The following PTPN12 variants were observed in gnomAD, a reference collection of about 807,000 sequenced individuals.
PTPN12 encodes protein tyrosine phosphatase non-receptor type 12.
PTPN12 carries 29 observed loss-of-function variants against 97.6 expected under a neutral mutation model. The observed-to-expected ratio is 0.30, with a 90% confidence interval of 0.22 to 0.41. The LOEUF (loss-of-function observed/expected upper bound fraction) is 0.41, where lower values mean the gene tolerates loss of function less well. PTPN12 is among the 10% of genes least tolerant of loss of function. PTPN12 has a pLI of 1.00. For synonymous variants in PTPN12, 327 were observed against 300.4 expected (o/e 1.09, Z -0.91); for missense variants, 819 against 926.0 (o/e 0.88, Z 1.50).
intron 1 of PTPN12, among the ~76,000 whole-genome samples, chr7:77,552,837 C>T (rs1163826075): frequency 2.6e-5 from 4 of 152,190 alleles, no homozygotes; most frequent in Non-Finnish European, 4.4e-5. Context: ...ATTTGAACCA[C>T]TCTCAATCTT....
chr7:77,614,193 A>G (rs1283569053), intron 11 of PTPN12, among the ~76,000 whole-genome samples: 4 of 152,128 alleles, frequency 2.6e-5, no homozygotes, highest in African/African-American at 9.7e-5. Flanking sequence ...CTATTGTTGT[A>G]TTTTTTAAAA....
At chr7:77,586,252 C>T (rs1179925211) in intron 5 of PTPN12, among the ~76,000 whole-genome samples, 1 of 152,176 alleles carries the variant, frequency 6.6e-6, no homozygotes, top group Non-Finnish European at 1.5e-5. Flanking sequence ...CTGCGCCTGG[C>T]CTTCCATGCC....
intron 2 of PTPN12, among the ~76,000 whole-genome samples, chr7:77,576,768 G>A (rs916267292): frequency 2.0e-5 from 3 of 152,202 alleles, no homozygotes; most frequent in South Asian, 2.1e-4. Flanking sequence ...TCTAGTTCCC[G>A]GCGCTTTGCC....
chr7:77,610,915 A>G (rs769013979), intron 10 of PTPN12, 33 bp from the exon 11 acceptor site: 1 of 1,585,816 alleles, frequency 6.3e-7, no homozygotes, highest in Non-Finnish European at 8.6e-7. Flanking sequence ...TGTTGTTTTC[A>G]TTTTGTTTTT....
intron 8 of PTPN12, among the ~76,000 whole-genome samples, chr7:77,605,577 G>A (rs1047340618): frequency 6.8e-5 from 7 of 102,956 alleles, no homozygotes; most frequent in South Asian, 3.4e-4. Context: ...CCACTACCAC[G>A]CCCGGCTAAT....
intron 8 of PTPN12, among the ~76,000 whole-genome samples, chr7:77,605,618 G>A (rs1788345503): frequency 6.6e-6 from 1 of 151,374 alleles, no homozygotes; most frequent in African/African-American, 2.4e-5. Context: ...GTAGAGACGG[G>A]GTTTCACCAC....
intron 8 of PTPN12, 105 bp from the exon 9 acceptor site, chr7:77,607,130 T>G: frequency 1.1e-6 from 1 of 920,742 alleles, no homozygotes; most frequent in Non-Finnish European, 1.6e-6. Flanking sequence ...TTTGTCAAAC[T>G]TCTTAAATGA....
At chr7:77,638,819 C>G in intron 17 of PTPN12, 88 bp downstream of exon 17, 1 of 1,461,082 alleles carries the variant, frequency 6.8e-7, no homozygotes, top group Middle Eastern at 2.1e-4. Context: ...ATGACACTTG[C>G]CAAGAATAAA....
chr7:77,595,112 A>G (rs1280792974), intron 6 of PTPN12, among the ~76,000 whole-genome samples: 1 of 152,236 alleles, frequency 6.6e-6, no homozygotes, highest in Non-Finnish European at 1.5e-5. Flanking sequence ...AGGTCTCTAG[A>G]TAAGTGGTTT....
chr7:77,611,948 A>G (rs925550461), intron 11 of PTPN12, among the ~76,000 whole-genome samples: 5 of 148,706 alleles, frequency 3.4e-5, no homozygotes, highest in Non-Finnish European at 7.4e-5. Context: ...CTTCAATTCT[A>G]TATATAACCA....
At chr7:77,624,026 C>G (rs940078386) in intron 12 of PTPN12, among the ~76,000 whole-genome samples, 1 of 152,148 alleles carries the variant, frequency 6.6e-6, no homozygotes, top group African/African-American at 2.4e-5. Flanking sequence ...TTTGGGAGGA[C>G]ATGGCAGGTG....
In PTPN12 at chr7:77,564,960, G is replaced by T. The variant is rs182022155; in HGVS notation, c.100-6118G>T. ...TTTAGTAGAGATGGGGTTTCACCAT[G>T]TTGGCCAGGATGGTCTCGATCTCCT... is the stretch of plus-strand genomic sequence containing the variant. On this transcript the variant is annotated intron_variant, in intron 1 of 17. Coordinates refer to ENST00000248594, the MANE Select transcript of PTPN12 (RefSeq NM_002835.4). 6.6e-3 allele frequency among the ~76,000 whole-genome samples: 1,008 copies of T among 151,994 alleles called. 42 individuals carry two copies. Among genetic ancestry groups the T allele is most frequent in the Admixed American group, 0.06 (919 of 15,258 alleles).
chr7:77,576,608 A>T (rs1787350793), intron 2 of PTPN12, among the ~76,000 whole-genome samples: 1 of 152,140 alleles, frequency 6.6e-6, no homozygotes, highest in South Asian at 2.1e-4. Context: ...GAGGCACGAG[A>T]ATCACTTGAA....
intron 9 of PTPN12, among the ~76,000 whole-genome samples, chr7:77,609,740 G>A (rs1248288668): frequency 2.0e-5 from 3 of 152,048 alleles, no homozygotes; most frequent in Non-Finnish European, 2.9e-5. Context: ...AAATCGCCAG[G>A]CGTAGTGGCG....
chr7:77,584,765 T>C (rs550230578), intron 4 of PTPN12, among the ~76,000 whole-genome samples: 1 of 151,636 alleles, frequency 6.6e-6, no homozygotes, highest in Non-Finnish European at 1.5e-5. Flanking sequence ...TAGTCCCAGC[T>C]ACTCAGCAGG....
At chr7:77,557,875 A>G (rs1208536864) in intron 1 of PTPN12, among the ~76,000 whole-genome samples, 2 of 152,176 alleles carry the variant, frequency 1.3e-5, no homozygotes, top group Non-Finnish European at 2.9e-5. Context: ...GGGAGTAGCT[A>G]CCAAATTTGA....
In PTPN12 at chr7:77,581,422, C is replaced by T. The variant is rs1351968156; in HGVS notation, c.209-5C>T. On this transcript the variant is annotated splice_region_variant and splice_polypyrimidine_tract_variant and intron_variant, in intron 2 of 17. Coordinates refer to ENST00000248594, the MANE Select transcript of PTPN12 (RefSeq NM_002835.4). The stretch of plus-strand genomic sequence containing the variant: ...ATACATATTTTATGAATTTTTTTCT[C>T]GTAGTTGATCACAGCCGAGTTAAAT... 11 of 1,595,558 alleles carry T rather than the reference C, an allele frequency of 6.9e-6. No individual in the cohort carries two copies. The highest frequency in any genetic ancestry group is 1.7e-5 in the Admixed American group (1 of 57,952).
intron 1 of PTPN12, among the ~76,000 whole-genome samples, chr7:77,564,616 A>G (rs1031348441): frequency 3.9e-5 from 6 of 152,092 alleles, no homozygotes; most frequent in African/African-American, 1.2e-4. Flanking sequence ...TCTTAAGCTT[A>G]AAGTAATTTC....
At chr7:77,605,413 T>G (rs1215621512) in intron 8 of PTPN12, among the ~76,000 whole-genome samples, 16,915 of 103,492 alleles carry the variant, frequency 0.16, 3,936 homozygotes, top group East Asian at 0.66. Flanking sequence ...TCATGAGTTT[T>G]TTTTTTTTTT....
Sources: allele counts gnomAD v4.1 joint callset (sites outside exome capture counted in the v4.1 genomes callset), GRCh38; gene constraint gnomAD v4.1.1; transcripts MANE v1.5; gene names NCBI Gene and HGNC (gene_info 2026-07-23, HGNC 2026-07-21).